HINFP: variants seen among roughly 807,000 people sequenced by gnomAD.
HINFP encodes the protein histone H4 transcription factor.
HINFP carries 20 observed loss-of-function variants against 50.1 expected under a neutral mutation model. The observed-to-expected ratio is 0.40, with a 90% CI of 0.28 to 0.58. The LOEUF (loss-of-function observed/expected upper bound fraction) is 0.58, where lower values mean the gene tolerates loss of function less well. Among genes scored for constraint, HINFP ranks in the 20% least tolerant of loss-of-function variants. The pLI is 0.45. For synonymous variants in HINFP, 247 were observed against 243.7 expected, an observed-to-expected ratio of 1.01 and a Z score of -0.13; for missense variants, 505 against 664.1, an observed-to-expected ratio of 0.76 and a Z score of 2.63.
In HINFP at chr11:119,131,361, T is replaced by A; in HGVS notation, c.412-174T>A. ...GCCTCAGCCTCTCAAAGTGCTGGGA[T>A]TACAGGGTTTAGCAACCGCACCCGG... On this transcript the variant is annotated intron_variant, in intron 3 of 9. Transcript: ENST00000350777. This position sits in a 1 kb window ranked among gnomAD's most constrained non-coding sequence, Gnocchi z 4.2. 1 of 624,740 alleles carries A rather than the reference T, an allele frequency of 1.6e-6. No homozygotes were observed. Among genetic ancestry groups the A allele is most frequent in the South Asian group, 1.8e-5 (1 of 56,080 alleles). 38.7% of individuals were successfully genotyped at this position (624,740 alleles called of 1,614,324 possible).
At position 119,130,822 on chromosome 11, in the gene HINFP, C is replaced by T; in HGVS notation, c.279C>T (p.Thr93=). 1 of 1,614,172 alleles carries T rather than the reference C, an allele frequency of 6.2e-7. No homozygotes were observed. Among genetic ancestry groups the T allele is most frequent in the South Asian group, 1.1e-5 (1 of 91,078 alleles). The change falls in exon 3 of 10, where the codon ACC becomes ACT. Residue 93 remains threonine (T), a synonymous_variant. Transcript: ENST00000350777. ...ATGTCTACTTCCACTGCTACCACAC[C>T]AAGCTGAAACAGTGGGGGCTGCAGG... is the stretch of plus-strand genomic sequence containing the variant. The part of the protein sequence containing the change: ...IRHVYFHCYH[T]KLKQWGLQAL...
intron 1 of HINFP, chr11:119,124,476 C>G (rs958793057): frequency 3.9e-5 from 6 of 152,106 alleles, no homozygotes; most frequent in Non-Finnish European, 5.9e-5. Flanking sequence ...TGTCCTCTCT[C>G]TAGCAGAAAT....
At chr11:119,122,149 CTTAAGTG>C (rs1211761517) in intron 1 of HINFP, 10 of 152,210 alleles carry the variant, frequency 6.6e-5, no homozygotes, top group African/African-American at 2.4e-4. Flanking sequence ...TATATGCCCT[CTTAAGTG>C]TTAAGAGGGT....
intron 1 of HINFP, chr11:119,126,458 G>A (rs1439968544): frequency 6.6e-6 from 1 of 152,296 alleles, no homozygotes; most frequent in African/African-American, 2.4e-5. Flanking sequence ...TATAGTAAGT[G>A]TGAAATTAAA....
Position 119,134,927 on chromosome 11 carries a change from A to G in HINFP, c.*429A>G, listed in dbSNP as rs1046345353. On this transcript the variant is annotated 3_prime_UTR_variant, in exon 10 of 10. Coordinates refer to ENST00000350777, the MANE Select transcript of HINFP (RefSeq NM_198971.3). The surrounding 1 kb of genome is among the most constrained non-coding windows in gnomAD (Gnocchi z 4.3). Reference sequence around the variant, plus strand: ...CCAAGGCATTGATAACCAAGTAGCCATTTTCCTCTTAAGGTTTCCTCTACA... The same window carrying G: ...CCAAGGCATTGATAACCAAGTAGCCGTTTTCCTCTTAAGGTTTCCTCTACA... 22 of 159,718 alleles carry G rather than the reference A, an allele frequency of 1.4e-4. No individual in the cohort carries two copies. Among genetic ancestry groups the G allele is most frequent in the South Asian group, 1.9e-4 (1 of 5,148 alleles). 9.9% of individuals were successfully genotyped at this position (159,718 alleles called of 1,614,324 possible). A position where few individuals can be genotyped will look rare whatever the true frequency, so the allele number is the denominator to read the frequency against.
chr11:119,131,432 C>A lies in HINFP; in HGVS notation c.412-103C>A. On this transcript the variant is annotated intron_variant, in intron 3 of 9. Coordinates refer to ENST00000350777, the MANE Select transcript of HINFP (RefSeq NM_198971.3). This position sits in a 1 kb window ranked among gnomAD's most constrained non-coding sequence, Gnocchi z 4.2. ...AGTGCCTTTCCTCAAAATTTCCCATCCCCATCAAGTTAATTTGGGAGAGAG... is the reference window on the plus strand; with the variant it reads ...AGTGCCTTTCCTCAAAATTTCCCATACCCATCAAGTTAATTTGGGAGAGAG... The A allele has an allele frequency of 2.4e-6, 2 of 828,188 alleles. No individual in the cohort carries two copies. The highest frequency in any genetic ancestry group is 2.1e-6 in the Non-Finnish European group (1 of 475,522). 51.3% of individuals were successfully genotyped at this position (828,188 alleles called of 1,614,324 possible).
chr11:119,131,855 C>T lies in HINFP; in HGVS notation c.549C>T (p.Arg183=). 6.2e-7 allele frequency: 1 copy of T among 1,614,124 alleles called. No homozygotes were observed. The highest frequency in any genetic ancestry group is 8.5e-7 in the Non-Finnish European group (1 of 1,180,032). ...WKGCTCTFKD[R]SKLREHLRSH... ...GCTGTACCTGCACCTTCAAGGACCG[C>T]AGTAAACTTCGAGAGCACCTCCGCA... The change falls in exon 5 of 10, where the codon CGC becomes CGT. Residue 183 remains arginine (R), a synonymous_variant. Coordinates refer to ENST00000350777, the MANE Select transcript of HINFP (RefSeq NM_198971.3). The surrounding 1 kb of genome is among the most constrained non-coding windows in gnomAD (Gnocchi z 4.2).
rs781653457 is a variant in HINFP, at chr11:119,132,800, C to G, written c.875+19C>G. Reference sequence around the variant, plus strand: ...ACTACAGGTAAGGGGGACCAGGGACCAGAAAACAGCTCATGTTCCAGTGTT... The same window carrying G: ...ACTACAGGTAAGGGGGACCAGGGACGAGAAAACAGCTCATGTTCCAGTGTT... On this transcript the variant is annotated intron_variant, in intron 7 of 9. Transcript: ENST00000350777. 1.9e-6 allele frequency: 3 copies of G among 1,613,578 alleles called. No individual in the cohort carries two copies. Among genetic ancestry groups the G allele is most frequent in the Non-Finnish European group, 2.5e-6 (3 of 1,180,028 alleles).
At chr11:119,127,481 T>G (rs978308887) in intron 2 of HINFP, 5 of 157,774 alleles carry the variant, frequency 3.2e-5, no homozygotes, top group East Asian at 1.8e-4. Flanking sequence ...GTGTTTTTTT[T>G]TTTTTTTTTT....
intron 1 of HINFP, among the ~76,000 whole-genome samples, chr11:119,123,192 T>G (rs910138016): frequency 6.8e-6 from 1 of 147,318 alleles, no homozygotes; most frequent in East Asian, 2.0e-4. Flanking sequence ...ATGTAGAGTA[T>G]TCAGAGACAA....
At chr11:119,126,417 G>C (rs1947406444) in intron 1 of HINFP, 1 of 150,330 alleles carries the variant, frequency 6.7e-6, no homozygotes, top group African/African-American at 2.4e-5. Flanking sequence ...ATGACATAAT[G>C]CAAATAAAAT....
chr11:119,134,066 A>G lies in HINFP; in HGVS notation c.1140-18A>G, dbSNP rs763293894. 3.1e-6 allele frequency: 5 copies of G among 1,613,526 alleles called. No individual in the cohort carries two copies. Among genetic ancestry groups the G allele is most frequent in the Non-Finnish European group, 4.2e-6 (5 of 1,179,888 alleles). Reference sequence around the variant, plus strand: ...CCCCTGCCTGGGTTTGCTGCCCTTTATGCTCCTACCTCACCAGGTACAAGG... The same window carrying G: ...CCCCTGCCTGGGTTTGCTGCCCTTTGTGCTCCTACCTCACCAGGTACAAGG... On this transcript the variant is annotated intron_variant, in intron 9 of 9. Coordinates refer to ENST00000350777, the MANE Select transcript of HINFP (RefSeq NM_198971.3). The surrounding 1 kb of genome is among the most constrained non-coding windows in gnomAD (Gnocchi z 4.3).
intron 1 of HINFP, among the ~76,000 whole-genome samples, chr11:119,123,514 T>C (rs1362437654): frequency 6.6e-6 from 1 of 151,860 alleles, no homozygotes; most frequent in Admixed American, 6.6e-5. Context: ...ACCACAACAT[T>C]ATAAAAGCAG....
rs141315890 is a variant in HINFP at position 119,132,702 on chromosome 11, C to T, written c.796C>T (p.Leu266=). 8 of 1,613,960 alleles carry T rather than the reference C, an allele frequency of 5.0e-6. No homozygotes were observed. Among genetic ancestry groups the T allele is most frequent in the African/African-American group, 1.3e-5 (1 of 74,936 alleles). ...CCCTCTGTGTGACATGACCTGCCCG[C>T]TGCCTTCCTCCCTCCGCAACCACAT... ...KCPLCDMTCP[L]PSSLRNHMRF... is the part of the protein sequence containing the mutation. The change falls in exon 7 of 10, where the codon CTG becomes TTG. Residue 266 remains leucine, a synonymous_variant. Coordinates refer to ENST00000350777, the MANE Select transcript of HINFP (RefSeq NM_198971.3).
In HINFP at chr11:119,131,836, C is replaced by G. The variant is rs1385208796; in HGVS notation, c.530C>G (p.Thr177Ser). The G allele has an allele frequency of 1.2e-6, 2 of 1,613,988 alleles. No individual in the cohort carries two copies. The highest frequency in any genetic ancestry group is 4.5e-5 in the East Asian group (2 of 44,890). ...GATAGGGCTTCCTTCCCAGGCTGTA[C>G]CTGCACCTTCAAGGACCGCAGTAAA... is the stretch of plus-strand genomic sequence containing the variant. The part of the protein sequence containing the change: ...PVVLCGWKGC[T>S]CTFKDRSKLR... The change falls in exon 5 of 10, where the codon ACC becomes AGC. Residue 177 changes from threonine (T) to serine (S), a missense_variant. Transcript: ENST00000350777. This position sits in a 1 kb window ranked among gnomAD's most constrained non-coding sequence, Gnocchi z 4.2.
At position 119,134,380 on chromosome 11, in the gene HINFP, TCTA is replaced by T. The variant is rs769705514; in HGVS notation, c.1440_1442del (p.Tyr481del). 23 of 1,614,032 alleles carry T rather than the reference TCTA, an allele frequency of 1.4e-5. No homozygotes were observed. Among genetic ancestry groups the T allele is most frequent in the Non-Finnish European group, 1.9e-5 (22 of 1,179,998 alleles). On this transcript the variant is annotated inframe_deletion, in exon 10 of 10. Transcript: ENST00000350777. This position sits in a 1 kb window ranked among gnomAD's most constrained non-coding sequence, Gnocchi z 4.3. ...AATGCCCAAGGCCAGCAAGAGATCG[TCTA>T]CTATGTGCTGTCTGAAGCCCCAGGG... is the stretch of plus-strand genomic sequence containing the variant.
rs59395600 is a variant in HINFP, at chr11:119,129,490, C to CTTT, written c.182-1222_182-1220dup. On this transcript the variant is annotated intron_variant, in intron 2 of 9. Transcript: ENST00000350777. The stretch of plus-strand genomic sequence containing the variant: ...TCTGGCAGGAATACATTTTTCTTTT[C>CTTT]TTTTTTTTTTTTTTTGTGGGAGTGC... Among the ~76,000 whole-genome samples the CTTT allele has an allele frequency of 8.8e-3, 1,094 of 124,172 alleles. 39 individuals are homozygous for CTTT. The highest frequency in any genetic ancestry group is 0.028 in the African/African-American group (929 of 32,616). 81.5% of individuals were successfully genotyped at this position (124,172 alleles called of 152,430 possible).
At chr11:119,127,912 A>G (rs999627748) in intron 2 of HINFP, among the ~76,000 whole-genome samples, 2 of 150,342 alleles carry the variant, frequency 1.3e-5, no homozygotes, top group Admixed American at 6.7e-5. Context: ...TTGGAGTGCA[A>G]TGGTTCGATC....
rs769653572 is a variant in HINFP at position 119,133,086 on chromosome 11, C to T, written c.1015-9C>T. ...AGCTGGTCTCATTTCTCCCTTCCTT[C>T]CCCATCAGGGAGACTCTGAGCCAAG... On this transcript the variant is annotated splice_polypyrimidine_tract_variant and intron_variant, in intron 8 of 9. Transcript: ENST00000350777. 6.2e-7 allele frequency: 1 copy of T among 1,614,218 alleles called. No individual in the cohort carries two copies. The highest frequency in any genetic ancestry group is 8.5e-7 in the Non-Finnish European group (1 of 1,180,034).
Sources: gnomAD v4.1 joint callset for allele counts (sites outside exome capture counted in the v4.1 genomes callset) on GRCh38, gnomAD v4.1.1 for gene constraint, Gnocchi (gnomAD v3.1) non-coding constraint, MANE v1.5 for transcripts, NCBI Gene and HGNC (gene_info 2026-07-23, HGNC 2026-07-21) for gene names.